The following SLC1A3 variants were observed in gnomAD, a reference collection of about 807,000 sequenced individuals.
SLC1A3 encodes the protein solute carrier family 1 member 3.
In SLC1A3, 21 loss-of-function variants were observed where a neutral mutation model predicts 48.1. The observed-to-expected ratio is 0.44, with a 90% CI of 0.31 to 0.63. SLC1A3 has a LOEUF of 0.63. Ranked by LOEUF, SLC1A3 falls within the 20% of genes least tolerant of loss-of-function variation. The pLI is 0.08. For missense variants in SLC1A3, 546 were observed against 689.0 expected, an observed-to-expected ratio of 0.79 and a Z score of 2.32; for synonymous variants, 239 against 251.4, an observed-to-expected ratio of 0.95 and a Z score of 0.47.
chr5:36,608,652 G>T, intron 2 of SLC1A3, 48 bp downstream of exon 2: 1 of 1,606,750 alleles, frequency 6.2e-7, no homozygotes, highest in Non-Finnish European at 8.5e-7. Context: ...TGTTTCTCTG[G>T]GGCATCTGGC....
chr5:36,625,836 G>A (rs1317689846), intron 2 of SLC1A3, among the ~76,000 whole-genome samples: 2 of 152,152 alleles, frequency 1.3e-5, no homozygotes, highest in South Asian at 2.1e-4. Flanking sequence ...AGACAATGTA[G>A]GTGTTGTCTT....
At position 36,622,884 on chromosome 5, in the gene SLC1A3, C is replaced by T. The variant is rs1040393453; in HGVS notation, c.182-6566C>T. Among the ~76,000 whole-genome samples the T allele has an allele frequency of 7.9e-5, 12 of 151,418 alleles. No individual in the cohort carries two copies. The South Asian group carries it at 1.3e-3, about 16-fold the overall frequency. On this transcript the variant is annotated intron_variant, in intron 2 of 9. Transcript: ENST00000265113. ...AAAATTAGCCGGGTGTGGTGGCAGG[C>T]GCATGTAGTCCCAGCTACTCGGGAG...
chr5:36,681,064 C>G (rs2111973351), intron 8 of SLC1A3, among the ~76,000 whole-genome samples: 1 of 152,182 alleles, frequency 6.6e-6, no homozygotes, highest in East Asian at 1.9e-4. Flanking sequence ...GATGTATACA[C>G]TCATTAATAA....
chr5:36,641,928 A>T (rs1740631433), intron 3 of SLC1A3, among the ~76,000 whole-genome samples: 1 of 152,246 alleles, frequency 6.6e-6, no homozygotes, highest in African/African-American at 2.4e-5. Context: ...TATTAAATCT[A>T]AGCATGATTG....
intron 3 of SLC1A3, among the ~76,000 whole-genome samples, chr5:36,657,753 A>C (rs1010734006): frequency 1.3e-5 from 2 of 152,250 alleles, no homozygotes; most frequent in African/African-American, 4.8e-5. Flanking sequence ...AGGATGGGGA[A>C]CAACTGAGCT....
intron 2 of SLC1A3, among the ~76,000 whole-genome samples, chr5:36,628,908 A>C (rs530672420): frequency 2.0e-5 from 3 of 152,344 alleles, no homozygotes; most frequent in Non-Finnish European, 2.9e-5. Context: ...CCATGTAGAC[A>C]GAGGGAGAAA....
At chr5:36,673,598 A>T (rs1333066087) in intron 4 of SLC1A3, among the ~76,000 whole-genome samples, 1 of 152,210 alleles carries the variant, frequency 6.6e-6, no homozygotes, top group Non-Finnish European at 1.5e-5. Flanking sequence ...CGCCTTTGGG[A>T]GGCTTTTCTG....
At chr5:36,620,169 A>C (rs372396518) in intron 2 of SLC1A3, among the ~76,000 whole-genome samples, 2 of 152,196 alleles carry the variant, frequency 1.3e-5, no homozygotes, top group East Asian at 3.8e-4. Flanking sequence ...TCTTTTCATT[A>C]ATGAGATACT....
chr5:36,631,519 A>G (rs1326985153), intron 3 of SLC1A3, among the ~76,000 whole-genome samples: 1 of 152,228 alleles, frequency 6.6e-6, no homozygotes. Flanking sequence ...ATATTGTTAA[A>G]GAGAAAAGAA....
intron 3 of SLC1A3, among the ~76,000 whole-genome samples, chr5:36,658,321 T>C (rs1741365208): frequency 6.6e-6 from 1 of 152,114 alleles, no homozygotes; most frequent in South Asian, 2.1e-4. Flanking sequence ...CCTGGCAGAA[T>C]AGGGTAGGCC....
chr5:36,683,984 G>A lies in SLC1A3; in HGVS notation c.1410G>A (p.Ala470=), dbSNP rs200835184. 18 of 1,614,160 alleles carry A rather than the reference G, an allele frequency of 1.1e-5. No homozygotes were observed. The highest frequency in any genetic ancestry group is 8.9e-5 in the East Asian group (4 of 44,874). The change falls in exon 9 of 10, where the codon GCG becomes GCA. Residue 470 remains alanine (A), a synonymous_variant. Transcript: ENST00000265113. The stretch of plus-strand genomic sequence containing the variant: ...CTGACGACATCACGCTCATCATCGC[G>A]GTGGACTGGTTCCTGTGAGTATGCT... ...LPTDDITLII[A]VDWFLDRLRT... is the part of the protein sequence containing the mutation.
rs770353029 is a variant in SLC1A3, at chr5:36,608,405, C to G, written c.-19C>G. The G allele has an allele frequency of 2.5e-6, 4 of 1,612,806 alleles. No individual in the cohort carries two copies. The highest frequency in any genetic ancestry group is 3.4e-6 in the Non-Finnish European group (4 of 1,179,236). On this transcript the variant is annotated 5_prime_UTR_variant, in exon 2 of 10. Coordinates refer to ENST00000265113, the MANE Select transcript of SLC1A3 (RefSeq NM_004172.5). The stretch of plus-strand genomic sequence containing the variant: ...AGACACTGAAGTGCAAAGAAGAGAC[C>G]CTCCTAGAAAAGTAAAATATGACTA...
chr5:36,637,472 C>T (rs571951366), intron 3 of SLC1A3, among the ~76,000 whole-genome samples: 1 of 151,846 alleles, frequency 6.6e-6, no homozygotes, highest in Non-Finnish European at 1.5e-5. Flanking sequence ...TTCAAGTGAG[C>T]CAGAGATTTT....
At chr5:36,650,238 A>G (rs139841364) in intron 3 of SLC1A3, among the ~76,000 whole-genome samples, 40 of 152,310 alleles carry the variant, frequency 2.6e-4, no homozygotes, top group African/African-American at 9.4e-4. Flanking sequence ...GGGATTGTCT[A>G]TAGTCTGAGG....
At chr5:36,605,472 G>T (rs1738895209), upstream of SLC1A3, among the ~76,000 whole-genome samples, 1 of 152,184 alleles carries the variant, frequency 6.6e-6, no homozygotes. Flanking sequence ...AGGACATACA[G>T]TTGAGGGTGA....
intron 3 of SLC1A3, among the ~76,000 whole-genome samples, chr5:36,666,787 A>G (rs1741768083): frequency 6.6e-6 from 1 of 152,222 alleles, no homozygotes; most frequent in South Asian, 2.1e-4. Flanking sequence ...TACCATATAG[A>G]CTTACAGAGT....
chr5:36,597,233 C>CTTTTTTTTTTTTTTTTTTTTT (rs70976237), intron 1 of SLC1A3, among the ~76,000 whole-genome samples: 1 of 46,084 alleles, frequency 2.2e-5, no homozygotes, highest in African/African-American at 9.6e-5. Context: ...TTCTTCCTTT[C>CTTTTTTTTTTTTTTTTTTTTT]TTTTTTTTTT....
intron 3 of SLC1A3, among the ~76,000 whole-genome samples, chr5:36,633,904 A>G (rs535750483): frequency 6.6e-6 from 1 of 152,322 alleles, no homozygotes; most frequent in Admixed American, 6.5e-5. Flanking sequence ...ATAAGTAACA[A>G]TGTTATGAAA....
intron 3 of SLC1A3, among the ~76,000 whole-genome samples, chr5:36,665,995 G>T (rs1224186777): frequency 1.3e-5 from 2 of 152,166 alleles, no homozygotes; most frequent in Non-Finnish European, 2.9e-5. Flanking sequence ...GGGGCCAGAA[G>T]AAAATATTTT....
Sources: gnomAD v4.1 joint callset for allele counts (sites outside exome capture counted in the v4.1 genomes callset) on GRCh38, gnomAD v4.1.1 for gene constraint, MANE v1.5 for transcripts, NCBI Gene and HGNC (gene_info 2026-07-23, HGNC 2026-07-21) for gene names.